The following UTP20 variants were observed in gnomAD, a reference collection of about 807,000 sequenced individuals.
UTP20 encodes the protein UTP20 small subunit processome component.
A neutral mutation model predicts 329.5 loss-of-function variants in UTP20; 164 were observed. The ratio of observed to expected loss-of-function variants is 0.50; its 90% CI spans 0.44 to 0.57. The LOEUF (loss-of-function observed/expected upper bound fraction) is 0.57. UTP20 is among the 20% of genes least tolerant of loss of function. The pLI is 0.00. For synonymous variants in UTP20, 1,151 were observed against 1,159.3 expected (o/e 0.99, Z 0.14); for missense variants, 3,055 against 3,284.2 (o/e 0.93, Z 1.71).
chr12:101,321,174 C>A (rs144927065), intron 24 of UTP20, among the ~76,000 whole-genome samples: 1 of 151,784 alleles, frequency 6.6e-6, no homozygotes, highest in African/African-American at 2.4e-5. Context: ...TGTCATTTTC[C>A]TCTTCTTATT....
chr12:101,325,779 GA>G (rs1868533255), intron 25 of UTP20, among the ~76,000 whole-genome samples: 1 of 152,190 alleles, frequency 6.6e-6, no homozygotes, highest in Non-Finnish European at 1.5e-5. Flanking sequence ...CCACTTCAAG[GA>G]AAACAACTGT....
At position 101,381,161 on chromosome 12, in the gene UTP20, T is replaced by G; in HGVS notation, c.7606T>G (p.Ser2536Ala). 6.2e-7 allele frequency: 1 copy of G among 1,613,972 alleles called. No individual in the cohort carries two copies. The highest frequency in any genetic ancestry group is 1.3e-5 in the African/African-American group (1 of 75,076). ...DQKMKSISLA[S>A]CHQLHSKFLD... The stretch of plus-strand genomic sequence containing the variant: ...ACAGATGAAAAGTATCTCTCTCGCC[T>G]CTTGCCATCAATTGCATTCCAAATT... Residue 2536 changes from serine (S) to alanine (A), a missense_variant, in exon 58 of 62, where the codon TCT (serine) becomes GCT (alanine). Physicochemically the swap from Ser to Ala is moderately conservative, Grantham distance 99 (BLOSUM62 1). Coordinates refer to ENST00000261637, the MANE Select transcript of UTP20 (RefSeq NM_014503.3).
chr12:101,355,183 A>G (rs1869680394), intron 41 of UTP20, 65 bp downstream of exon 41: 1 of 1,521,016 alleles, frequency 6.6e-7, no homozygotes, highest in Admixed American at 2.0e-5. Context: ...GCCCTGTCAC[A>G]CTGAGGCTCT....
Position 101,370,027 on chromosome 12 carries a change from A to G in UTP20, c.6555+136A>G, listed in dbSNP as rs1870232824. The G allele has an allele frequency of 2.1e-5, 16 of 765,610 alleles. No individual in the cohort carries two copies. The South Asian group carries it at 2.9e-4, about 14-fold the overall frequency. The allele number at this position is 765,610 out of a possible 1,614,324, so 47.4% of individuals were successfully genotyped here. On this transcript the variant is annotated intron_variant, in intron 49 of 61. Coordinates refer to ENST00000261637, the MANE Select transcript of UTP20 (RefSeq NM_014503.3). ...CTAAGAGTTCAAGACCAGCTGGGTC[A>G]GCATAACGAGACCCCGTGTCTACAT...
chr12:101,282,789 G>T (rs1426749035), intron 2 of UTP20, among the ~76,000 whole-genome samples: 1 of 152,228 alleles, frequency 6.6e-6, no homozygotes, highest in Non-Finnish European at 1.5e-5. Flanking sequence ...TTGTCCAGTT[G>T]TGAGGATTTG....
In UTP20 at chr12:101,354,092, C is replaced by T. The variant is rs566991432; in HGVS notation, c.5108-740C>T. On this transcript the variant is annotated intron_variant, in intron 40 of 61. Coordinates refer to ENST00000261637, the MANE Select transcript of UTP20 (RefSeq NM_014503.3). Reference sequence around the variant, plus strand: ...CCTGGTCAACATAGCGAAACCCTGTCTCTACTAAATATACAAAAAATTAGC... The same window carrying T: ...CCTGGTCAACATAGCGAAACCCTGTTTCTACTAAATATACAAAAAATTAGC... Among the ~76,000 whole-genome samples, 24 of 151,814 alleles carry T rather than the reference C, an allele frequency of 1.6e-4. No individual in the cohort carries two copies. In the South Asian group the frequency reaches 4.6e-3, roughly 29 times the overall value.
intron 29 of UTP20, among the ~76,000 whole-genome samples, chr12:101,337,730 A>C (rs990671281): frequency 6.6e-6 from 1 of 152,204 alleles, no homozygotes; most frequent in Non-Finnish European, 1.5e-5. Context: ...TTAGATTGTG[A>C]TTCAAATCTC....
At position 101,353,134 on chromosome 12, in the gene UTP20, GT is replaced by G. The variant is rs1351217056; in HGVS notation, c.5107+8del. The stretch of plus-strand genomic sequence containing the variant: ...GAAAAATTGAGAATGAAGAAAGTAA[GT>G]TTCTTAAACTTTCTTAAACAAGATT... On this transcript the variant is annotated splice_donor_region_variant and intron_variant, in intron 40 of 61. Transcript: ENST00000261637. 6.3e-7 allele frequency: 1 copy of G among 1,579,296 alleles called. No individual in the cohort carries two copies. Among genetic ancestry groups the G allele is most frequent in the South Asian group, 1.1e-5 (1 of 87,910 alleles).
chr12:101,355,848 G>A (rs1429407587), intron 41 of UTP20, among the ~76,000 whole-genome samples: 7 of 150,186 alleles, frequency 4.7e-5, no homozygotes, highest in Non-Finnish European at 5.9e-5. Flanking sequence ...CTTTATTTGA[G>A]GCCCTGTATT....
intron 25 of UTP20, among the ~76,000 whole-genome samples, chr12:101,325,980 T>G (rs1239987074): frequency 1.3e-5 from 2 of 152,212 alleles, no homozygotes; most frequent in East Asian, 3.8e-4. Context: ...TGTGTCAACA[T>G]TTGACATTTC....
At chr12:101,326,982 TTA>T (rs1868581555) in intron 25 of UTP20, 97 bp from the exon 26 acceptor site, 1 of 1,171,112 alleles carries the variant, frequency 8.5e-7, no homozygotes, top group Non-Finnish European at 1.2e-6. Flanking sequence ...ATATATCCAT[TTA>T]AATCTATTGA....
chr12:101,352,972 A>G (rs923292784), intron 39 of UTP20, 75 bp from the exon 40 acceptor site: 26 of 885,104 alleles, frequency 2.9e-5, no homozygotes, highest in Admixed American at 2.2e-4. Flanking sequence ...ATTAGTGTTT[A>G]AATTTCCTCT....
At chr12:101,368,831 C>T (rs986433634) in intron 48 of UTP20, among the ~76,000 whole-genome samples, 1 of 152,170 alleles carries the variant, frequency 6.6e-6, no homozygotes, top group Non-Finnish European at 1.5e-5. Flanking sequence ...TAGAGTCAAA[C>T]AGGTAATCAG....
At chr12:101,326,643 C>A (rs945384405) in intron 25 of UTP20, among the ~76,000 whole-genome samples, 3 of 151,746 alleles carry the variant, frequency 2.0e-5, no homozygotes, top group African/African-American at 7.3e-5. Context: ...TTCATTTTTT[C>A]TTCATTAGAC....
chr12:101,340,688 A>T (rs560445565), intron 32 of UTP20, 78 bp downstream of exon 32: 18 of 886,870 alleles, frequency 2.0e-5, no homozygotes, highest in African/African-American at 2.0e-4. Flanking sequence ...CAGCAATTTT[A>T]CTGGCTAGAT....
intron 15 of UTP20, among the ~76,000 whole-genome samples, chr12:101,304,659 C>T (rs1005416641): frequency 5.9e-5 from 9 of 152,206 alleles, no homozygotes; most frequent in African/African-American, 1.9e-4. Context: ...AGCACTGTTA[C>T]TGGCATCTAG....
At chr12:101,345,788 A>G (rs1005029088) in intron 37 of UTP20, 94 bp downstream of exon 37, 7 of 1,205,802 alleles carry the variant, frequency 5.8e-6, no homozygotes, top group African/African-American at 5.4e-5. Flanking sequence ...TTAACTTTCC[A>G]AAAAGGTTTA....
rs187194365 is a variant in UTP20, at chr12:101,340,840, G to A, written c.4101+230G>A. Among the ~76,000 whole-genome samples the A allele has an allele frequency of 5.6e-3, 841 of 150,902 alleles. 6 individuals carry two copies. Among genetic ancestry groups the A allele is most frequent in the Non-Finnish European group, 9.2e-3 (626 of 67,766 alleles). On this transcript the variant is annotated intron_variant, in intron 32 of 61. Transcript: ENST00000261637. ...AGACATCGTCATCTACAACAACAAA[G>A]TACTAGCCCCTTTATTTCCCTTGTT...
intron 26 of UTP20, 43 bp from the exon 27 acceptor site, chr12:101,329,198 A>T: frequency 6.7e-7 from 1 of 1,489,064 alleles, no homozygotes; most frequent in South Asian, 1.1e-5. Context: ...TAACAAACTA[A>T]TATGTTACCT....
Sources: allele counts gnomAD v4.1 joint callset (sites outside exome capture counted in the v4.1 genomes callset), GRCh38; gene constraint gnomAD v4.1.1; transcripts MANE v1.5; gene names NCBI Gene and HGNC (gene_info 2026-07-23, HGNC 2026-07-21).